The following VWDE variants were observed in gnomAD, a reference collection of about 807,000 sequenced individuals.
VWDE encodes von Willebrand factor D and EGF domains, also known as von Willebrand factor D and EGF domain-containing protein.
In VWDE, 207 loss-of-function variants were observed where a neutral mutation model predicts 178.4. That is an observed-to-expected ratio of 1.16 (90% CI 1.04 to 1.30). VWDE has a LOEUF of 1.30. Among genes scored for constraint, VWDE ranks in the 50% most tolerant of loss-of-function variants. The probability of loss-of-function intolerance (pLI) is 0.00; values close to 1 mark genes in which losing one functional copy is unlikely to be tolerated. For synonymous variants in VWDE, 738 were observed against 651.4 expected, an observed-to-expected ratio of 1.13 and a Z score of -2.02; for missense variants, 2,287 against 1,901.3, an observed-to-expected ratio of 1.20 and a Z score of -3.77.
At chr7:12,367,701 T>C (rs1384906504) in intron 12 of VWDE, among the ~76,000 whole-genome samples, 1 of 152,014 alleles carries the variant, frequency 6.6e-6, no homozygotes, top group Non-Finnish European at 1.5e-5. Context: ...AATAATAATA[T>C]TACAAACACT....
In VWDE at chr7:12,331,065, G is replaced by T; in HGVS notation, c.*118C>A. The T allele has an allele frequency of 2.8e-6, 2 of 726,694 alleles. No homozygotes were observed. The highest frequency in any genetic ancestry group is 2.0e-5 in the South Asian group (1 of 50,868). The allele number at this position is 726,694 out of a possible 1,614,324, so 45.0% of individuals were successfully genotyped here. A position where few individuals can be genotyped will look rare whatever the true frequency, so the allele number is the denominator to read the frequency against. ...ATTATGTATTTTATTAGTTTCTTCA[G>T]TCTTTAAGATATTTTTTGAATGATG... On this transcript the variant is annotated 3_prime_UTR_variant, in exon 29 of 29. Coordinates refer to ENST00000275358, the MANE Select transcript of VWDE (RefSeq NM_001135924.3).
At chr7:12,341,992 G>A (rs921507872) in intron 23 of VWDE, 67 bp downstream of exon 23, 15 of 1,283,398 alleles carry the variant, frequency 1.2e-5, no homozygotes, top group African/African-American at 1.5e-5. Flanking sequence ...TTAGGTGCAC[G>A]TCTTCAGGAC....
intron 1 of VWDE, among the ~76,000 whole-genome samples, chr7:12,402,336 A>G (rs984949253): frequency 6.6e-6 from 1 of 152,232 alleles, no homozygotes; most frequent in Non-Finnish European, 1.5e-5. Flanking sequence ...GTATATGAAC[A>G]TCTTAATAAA....
intron 19 of VWDE, among the ~76,000 whole-genome samples, chr7:12,349,435 A>G (rs1388647614): frequency 6.6e-6 from 1 of 151,324 alleles, no homozygotes; most frequent in East Asian, 1.9e-4. Context: ...AAAAGAGACT[A>G]TGAGTTCATA....
rs1407132426 is a variant in VWDE at position 12,369,623 on chromosome 7, T to C, written c.2683A>G (p.Ser895Gly). 1 of 1,551,404 alleles carries C rather than the reference T, an allele frequency of 6.4e-7. No individual in the cohort carries two copies. Among genetic ancestry groups the C allele is most frequent in the Non-Finnish European group, 8.7e-7 (1 of 1,146,834 alleles). Residue 895 changes from serine to glycine, a missense_variant, in exon 12 of 29, where the codon AGC becomes GGC. Transcript: ENST00000275358. Reference sequence around the variant, plus strand: ...CATTCCATGCACTGCCCATTGCCGCTGCATAAATTGGGGCATTTTAATACT... The same window carrying C: ...CATTCCATGCACTGCCCATTGCCGCCGCATAAATTGGGGCATTTTAATACT... ...LSVLKCPNLCSGNGQCMEWGC... is the reference protein window; with the variant it reads ...LSVLKCPNLCGGNGQCMEWGC...
In VWDE at chr7:12,380,614, C is replaced by T. The variant is rs1783798381; in HGVS notation, c.661G>A (p.Val221Met). 2 of 1,552,216 alleles carry T rather than the reference C, an allele frequency of 1.3e-6. No homozygotes were observed. The highest frequency in any genetic ancestry group is 2.0e-5 in the Admixed American group (1 of 50,986). The change falls in exon 5 of 29, where the codon GTG (valine) becomes ATG (methionine). Residue 221 changes from valine to methionine, a missense_variant. Physicochemically the swap from Val to Met is conservative, Grantham distance 21 (BLOSUM62 1). Coordinates refer to ENST00000275358, the MANE Select transcript of VWDE (RefSeq NM_001135924.3). The part of the protein sequence containing the change: ...SFDVPATKNS[V>M]GFHIAWSRLS... ...CTAGACCAAGCTATGTGAAATCCCA[C>T]TGAGTTTTTTGTAGCGGGAACATCA... is the stretch of plus-strand genomic sequence containing the variant.
In VWDE at chr7:12,372,931, A is replaced by C. The variant is rs999545379; in HGVS notation, c.1587+46T>G. On this transcript the variant is annotated intron_variant, in intron 10 of 28. Transcript: ENST00000275358. The stretch of plus-strand genomic sequence containing the variant: ...AATTTAATAGAGATGTTTATCTGAA[A>C]GGAGAAAAAGGAAAAATACTTTCAA... The C allele has an allele frequency of 2.7e-5, 41 of 1,511,878 alleles. No individual in the cohort carries two copies. The East Asian group carries it at 9.1e-4, about 34-fold the overall frequency. The allele number at this position is 1,511,878 out of a possible 1,614,324, so 93.7% of individuals were successfully genotyped here. A position where few individuals can be genotyped will look rare whatever the true frequency, so the allele number is the denominator to read the frequency against.
At chr7:12,360,530 T>G (rs894836412) in intron 15 of VWDE, among the ~76,000 whole-genome samples, 1 of 152,208 alleles carries the variant, frequency 6.6e-6, no homozygotes, top group African/African-American at 2.4e-5. Context: ...AAAATTTTCA[T>G]GTACATAAAT....
chr7:12,359,697 T>C lies in VWDE; in HGVS notation c.3160-5A>G, dbSNP rs1272137342. 5.3e-6 allele frequency: 8 copies of C among 1,515,442 alleles called. No individual in the cohort carries two copies. The highest frequency in any genetic ancestry group is 4.4e-6 in the Non-Finnish European group (5 of 1,125,708). The allele number at this position is 1,515,442 out of a possible 1,614,324, so 93.9% of individuals were successfully genotyped here. On this transcript the variant is annotated splice_polypyrimidine_tract_variant and splice_region_variant and intron_variant, in intron 15 of 28. Coordinates refer to ENST00000275358, the MANE Select transcript of VWDE (RefSeq NM_001135924.3). ...ATCAATAATGCAAACATTTTCCTAA[T>C]GGAAAATTTTTAAAAAAGAAAACAT...
rs1421906671 is a variant in VWDE at position 12,370,077 on chromosome 7, C to T, written c.2229G>A (p.Arg743=). ...QGRGSHSQEM[R]YNRQNRWKRQ... ...GTTTCCATCTGTTTTGTCGATTGTA[C>T]CTCATTTCTTGGCTGTGGCTTCCCC... Residue 743 remains arginine (R), a synonymous_variant, in exon 12 of 29, where the codon AGG becomes AGA. Coordinates refer to ENST00000275358, the MANE Select transcript of VWDE (RefSeq NM_001135924.3). 5.8e-6 allele frequency: 9 copies of T among 1,551,402 alleles called. No homozygotes were observed. The highest frequency in any genetic ancestry group is 7.8e-6 in the Non-Finnish European group (9 of 1,146,902).
chr7:12,403,801 C>A lies in VWDE; in HGVS notation c.-85G>T. The A allele has an allele frequency of 7.0e-7, 1 of 1,423,994 alleles. No individual in the cohort carries two copies. The highest frequency in any genetic ancestry group is 9.6e-7 in the Non-Finnish European group (1 of 1,038,346). 88.2% of individuals were successfully genotyped at this position (1,423,994 alleles called of 1,614,324 possible). A position where few individuals can be genotyped will look rare whatever the true frequency, so the allele number is the denominator to read the frequency against. ...GATGGGGCCACAGCAGCCCCTCGGG[C>A]CTCCTTTCTTGGATTTTCTCAGTCT... is the stretch of plus-strand genomic sequence containing the variant. On this transcript the variant is annotated 5_prime_UTR_variant, in exon 1 of 29. Transcript: ENST00000275358.
chr7:12,399,606 C>T (rs886577497), intron 1 of VWDE, among the ~76,000 whole-genome samples: 4 of 152,022 alleles, frequency 2.6e-5, no homozygotes, highest in African/African-American at 9.7e-5. Context: ...CTAAAAATAT[C>T]AGAATATAAA....
intron 21 of VWDE, 33 bp from the exon 22 acceptor site, chr7:12,343,211 C>T (rs915042277): frequency 1.4e-6 from 2 of 1,478,850 alleles, no homozygotes; most frequent in African/African-American, 2.8e-5. Context: ...TATGTCAGTT[C>T]TTAATTTTTA....
At position 12,374,917 on chromosome 7, in the gene VWDE, A is replaced by T. The variant is rs1460698706; in HGVS notation, c.1242+93T>A. The stretch of plus-strand genomic sequence containing the variant: ...CATTTAAAAACTAATTTACCAAAAA[A>T]TTTTTTACATAAAAAGTTTATAAGA... On this transcript the variant is annotated intron_variant, in intron 8 of 28. Coordinates refer to ENST00000275358, the MANE Select transcript of VWDE (RefSeq NM_001135924.3). 5.3e-6 allele frequency: 7 copies of T among 1,312,012 alleles called. No individual in the cohort carries two copies. In the South Asian group the frequency reaches 9.4e-5, roughly 18 times the overall value. 81.3% of individuals were successfully genotyped at this position (1,312,012 alleles called of 1,614,324 possible).
At position 12,340,394 on chromosome 7, in the gene VWDE, T is replaced by C; in HGVS notation, c.4294A>G (p.Asn1432Asp). 6.4e-7 allele frequency: 1 copy of C among 1,551,436 alleles called. No individual in the cohort carries two copies. Among genetic ancestry groups the C allele is most frequent in the South Asian group, 1.2e-5 (1 of 84,044 alleles). Residue 1432 changes from asparagine to aspartate, a missense_variant, in exon 24 of 29, where the codon AAT becomes GAT. Asn to Asp is a conservative substitution (Grantham distance 23). Transcript: ENST00000275358. Reference sequence around the variant, plus strand: ...TTTGGCTTATTACACGAACCACCATTGAGGCAGACAGGGTCGCACAAAGCT... The same window carrying C: ...TTTGGCTTATTACACGAACCACCATCGAGGCAGACAGGGTCGCACAAAGCT... ...STALCDPVCL[N>D]GGSCNKPNTC...
In VWDE at chr7:12,370,331, A is replaced by G. The variant is rs1370937347; in HGVS notation, c.1975T>C (p.Ser659Pro). The G allele has an allele frequency of 6.4e-7, 1 of 1,551,206 alleles. No homozygotes were observed. The highest frequency in any genetic ancestry group is 1.4e-5 in the African/African-American group (1 of 73,014). ...ACATCTAGTTCTGGTATCAAAGAAG[A>G]TAAGCTGACATGATTGAGGTCTTTG... ...GCKDLNHVSL[S>P]SLIPELDVTS... is the part of the protein sequence containing the mutation. Residue 659 changes from serine (S) to proline (P), a missense_variant, in exon 12 of 29, where the codon TCT becomes CCT. Coordinates refer to ENST00000275358, the MANE Select transcript of VWDE (RefSeq NM_001135924.3).
In VWDE at chr7:12,389,073, C is replaced by G. The variant is rs190148861; in HGVS notation, c.475+54G>C. 1.9e-3 allele frequency: 2,249 copies of G among 1,197,444 alleles called. 3 individuals carry two copies. Among genetic ancestry groups the G allele is most frequent in the Non-Finnish European group, 2.6e-3 (2,145 of 826,554 alleles). 74.2% of individuals were successfully genotyped at this position (1,197,444 alleles called of 1,614,324 possible). A position where few individuals can be genotyped will look rare whatever the true frequency, so the allele number is the denominator to read the frequency against. On this transcript the variant is annotated intron_variant, in intron 3 of 28. Coordinates refer to ENST00000275358, the MANE Select transcript of VWDE (RefSeq NM_001135924.3). ...AATACAACCTATCCAGAGAATGGTACGAATGGCAGAGTTCCATGAATAACA... is the reference window on the plus strand; with the variant it reads ...AATACAACCTATCCAGAGAATGGTAGGAATGGCAGAGTTCCATGAATAACA...
chr7:12,341,635 GA>G (rs5882355), intron 23 of VWDE, among the ~76,000 whole-genome samples: 2 of 148,072 alleles, frequency 1.4e-5, no homozygotes, highest in South Asian at 2.1e-4. Flanking sequence ...CTGTCTAAAT[GA>G]AAAAAAAAAG....
intron 27 of VWDE, among the ~76,000 whole-genome samples, chr7:12,335,841 TA>T (rs1276829136): frequency 6.6e-6 from 1 of 152,206 alleles, no homozygotes; most frequent in Non-Finnish European, 1.5e-5. Context: ...AAATAATATT[TA>T]AACTTCTATA....
Sources: allele counts gnomAD v4.1 joint callset (sites outside exome capture counted in the v4.1 genomes callset), GRCh38; gene constraint gnomAD v4.1.1; transcripts MANE v1.5; gene names NCBI Gene and HGNC (gene_info 2026-07-23, HGNC 2026-07-21).